DYNC2H1: variants seen among roughly 807,000 people sequenced by gnomAD.
DYNC2H1 encodes the protein dynein cytoplasmic 2 heavy chain 1, also known as cytoplasmic dynein 2 heavy chain 1.
Under a neutral mutation model 570.0 loss-of-function variants are expected in DYNC2H1, and 410 were observed. The ratio of observed to expected loss-of-function variants is 0.72; its 90% CI spans 0.66 to 0.78. DYNC2H1 has a LOEUF of 0.78. Ranked by LOEUF, DYNC2H1 falls within the 30% of genes least tolerant of loss-of-function variation. DYNC2H1 has a pLI of 0.00. For synonymous variants in DYNC2H1, 1,688 were observed against 1,677.6 expected (o/e 1.01, Z -0.15); for missense variants, 4,865 against 5,046.4 (o/e 0.96, Z 1.09).
chr11:103,450,306 A>C (rs1357741321), intron 85 of DYNC2H1, among the ~76,000 whole-genome samples: 1 of 152,234 alleles, frequency 6.6e-6, no homozygotes, highest in East Asian at 1.9e-4. Context: ...ATAAATAGAT[A>C]GCAGATCAGT....
chr11:103,155,609 C>CTT (rs959251988), intron 25 of DYNC2H1, 108 bp downstream of exon 25: 2 of 1,093,182 alleles, frequency 1.8e-6, no homozygotes, highest in African/African-American at 3.3e-5. Flanking sequence ...AGGGAATCAG[C>CTT]TTTCATCAAA....
intron 47 of DYNC2H1, among the ~76,000 whole-genome samples, chr11:103,193,433 G>C (rs774612977): frequency 5.1e-4 from 77 of 152,130 alleles, no homozygotes; most frequent in Non-Finnish European, 8.5e-4. Flanking sequence ...ATCCTCTGAA[G>C]AGTTTGGTAT....
intron 5 of DYNC2H1, among the ~76,000 whole-genome samples, chr11:103,117,276 T>A (rs936140456): frequency 6.0e-4 from 88 of 147,482 alleles, no homozygotes; most frequent in Non-Finnish European, 1.1e-3. Flanking sequence ...ATATATTTTT[T>A]AATATATATA....
intron 83 of DYNC2H1, among the ~76,000 whole-genome samples, chr11:103,374,169 A>T (rs570012556): frequency 1.3e-5 from 2 of 152,286 alleles, no homozygotes; most frequent in African/African-American, 4.8e-5. Flanking sequence ...GTCCCCACAC[A>T]AATCTCATCT....
chr11:103,162,016 A>G (rs950844482), intron 29 of DYNC2H1, among the ~76,000 whole-genome samples: 5 of 152,192 alleles, frequency 3.3e-5, no homozygotes, highest in Middle Eastern at 3.2e-3. Context: ...GTTGATTGAA[A>G]ACCTGGGAGA....
intron 84 of DYNC2H1, among the ~76,000 whole-genome samples, chr11:103,423,197 GTGGAATGGAATCCATTAATCAATGGAT>G (rs1943548678): frequency 6.6e-6 from 1 of 151,772 alleles, no homozygotes; most frequent in Non-Finnish European, 1.5e-5. Context: ...ATGAAGATCA[GTGGAATGGAATCCATTAATCAATGGAT>G]TGGAATGGAT....
intron 87 of DYNC2H1, among the ~76,000 whole-genome samples, chr11:103,464,701 T>C (rs1055266286): frequency 1.3e-5 from 2 of 152,218 alleles, no homozygotes; most frequent in Non-Finnish European, 2.9e-5. Context: ...TGTTAAACTT[T>C]ATTGCCATCT....
chr11:103,136,386 C>G (rs1357608839), intron 17 of DYNC2H1, among the ~76,000 whole-genome samples: 2 of 151,158 alleles, frequency 1.3e-5, no homozygotes, highest in Non-Finnish European at 2.9e-5. Flanking sequence ...TCCCGCCACC[C>G]GACAACAGTC....
At chr11:103,374,832 T>A (rs1382284236) in intron 83 of DYNC2H1, among the ~76,000 whole-genome samples, 1 of 152,160 alleles carries the variant, frequency 6.6e-6, no homozygotes, top group East Asian at 1.9e-4. Context: ...ACATTTGCAG[T>A]CTGACGATGC....
At chr11:103,425,817 A>G (rs1943651234) in intron 84 of DYNC2H1, among the ~76,000 whole-genome samples, 1 of 151,708 alleles carries the variant, frequency 6.6e-6, no homozygotes, top group South Asian at 2.1e-4. Flanking sequence ...AAGAAGGTTA[A>G]AAGTTTAATA....
intron 53 of DYNC2H1, among the ~76,000 whole-genome samples, chr11:103,210,596 T>C (rs1456585073): frequency 6.6e-6 from 1 of 152,048 alleles, no homozygotes; most frequent in African/African-American, 2.4e-5. Context: ...TATAGCAAGA[T>C]AAGTGATAGT....
Position 103,264,340 on chromosome 11 carries a change from A to T in DYNC2H1, c.10695+4363A>T, listed in dbSNP as rs1865427617. Among the ~76,000 whole-genome samples the T allele has an allele frequency of 6.6e-6, 1 of 152,272 alleles. No homozygotes were observed. The highest frequency in any genetic ancestry group is 1.5e-5 in the Non-Finnish European group (1 of 68,006). On this transcript the variant is annotated intron_variant, in intron 70 of 88. Coordinates refer to ENST00000375735, the MANE Select transcript of DYNC2H1 (RefSeq NM_001377.3). This position sits in a 1 kb window ranked among gnomAD's most constrained non-coding sequence, Gnocchi z 4.8. Reference sequence around the variant, plus strand: ...ATGCAATAGAAAAAGAGGGACCCCTACCTAACTCATTTTATGAGACCAGGA... The same window carrying T: ...ATGCAATAGAAAAAGAGGGACCCCTTCCTAACTCATTTTATGAGACCAGGA...
rs1064796293 is a variant in DYNC2H1, at chr11:103,173,136, G to T, written c.5389G>T (p.Gly1797Cys). ...IFITMNPAGK[G>C]YGGRQKLPDN... ...TATCACTATGAATCCTGCTGGAAAA[G>T]GTTATGGAGGAAGACAAAAACTGCC... Residue 1797 changes from glycine to cysteine, a missense_variant, in exon 35 of 89, where the codon GGT (glycine) becomes TGT (cysteine). By Grantham distance (159) the Gly-to-Cys change is radical. This residue lies in a region of DYNC2H1 where 292 missense variants were observed against 300.2 expected (regional missense o/e 0.97). Coordinates refer to ENST00000375735, the MANE Select transcript of DYNC2H1 (RefSeq NM_001377.3). The T allele has an allele frequency of 2.0e-6, 3 of 1,535,640 alleles. No homozygotes were observed. The highest frequency in any genetic ancestry group is 4.1e-5 in the Admixed American group (2 of 48,652).
intron 85 of DYNC2H1, among the ~76,000 whole-genome samples, chr11:103,452,794 T>TCTAA (rs137898864): frequency 0.25 from 37,267 of 151,812 alleles, 4,723 homozygotes; most frequent in Admixed American, 0.33. Flanking sequence ...TCTCATCTCC[T>TCTAA]CTAAATAAGC....
intron 17 of DYNC2H1, 116 bp from the exon 18 acceptor site, chr11:103,143,152 T>G (rs950614195): frequency 9.6e-7 from 1 of 1,041,220 alleles, no homozygotes; most frequent in African/African-American, 1.6e-5. Flanking sequence ...AAATTGACAC[T>G]TGAATACCTC....
Position 103,170,348 on chromosome 11 carries a change from T to G in DYNC2H1, c.5151+58T>G. On this transcript the variant is annotated intron_variant, in intron 33 of 88. Transcript: ENST00000375735. The surrounding 1 kb of genome is among the most constrained non-coding windows in gnomAD (Gnocchi z 4.8). ...TGGGTTAATCATATTTAGATTAGTT[T>G]CTATTAGTATATGAAATACTCTACT... is the stretch of plus-strand genomic sequence containing the variant. 2 of 1,414,428 alleles carry G rather than the reference T, an allele frequency of 1.4e-6. No homozygotes were observed. The highest frequency in any genetic ancestry group is 1.9e-6 in the Non-Finnish European group (2 of 1,062,810). 87.6% of individuals were successfully genotyped at this position (1,414,428 alleles called of 1,614,324 possible).
At chr11:103,266,560 G>A (rs1216573717) in intron 70 of DYNC2H1, among the ~76,000 whole-genome samples, 1 of 152,176 alleles carries the variant, frequency 6.6e-6, no homozygotes, top group African/African-American at 2.4e-5. Flanking sequence ...GATGGTGGTG[G>A]GTGGTGGGAG....
chr11:103,360,056 A>G (rs771352557), intron 83 of DYNC2H1, among the ~76,000 whole-genome samples: 7 of 152,220 alleles, frequency 4.6e-5, no homozygotes, highest in Middle Eastern at 3.4e-3. Flanking sequence ...CCTGATTCCT[A>G]CATACAAAGG....
intron 82 of DYNC2H1, among the ~76,000 whole-genome samples, chr11:103,345,565 G>C (rs142727173): frequency 6.6e-6 from 1 of 152,108 alleles, no homozygotes; most frequent in Non-Finnish European, 1.5e-5. Flanking sequence ...TTTTATTGCT[G>C]TGGAGACAGT....
Sources: gnomAD v4.1 joint callset for allele counts (sites outside exome capture counted in the v4.1 genomes callset) on GRCh38, gnomAD v4.1.1 for gene constraint, gnomAD v4.1.1 regional missense constraint, Gnocchi (gnomAD v3.1) non-coding constraint, MANE v1.5 for transcripts, NCBI Gene and HGNC (gene_info 2026-07-23, HGNC 2026-07-21) for gene names.